LPP: variants seen among roughly 807,000 people sequenced by gnomAD.
LPP encodes lipoma-preferred partner.
LPP carries 38 observed loss-of-function variants against 60.4 expected under a neutral mutation model. That is an observed-to-expected ratio of 0.63 (90% confidence interval 0.49 to 0.83). The LOEUF is 0.83. Ranked by LOEUF, LPP falls within the 40% of genes least tolerant of loss-of-function variation. The pLI is 0.00. For missense variants in LPP, 902 were observed against 783.6 expected, an observed-to-expected ratio of 1.15 and a Z score of -1.80; for synonymous variants, 328 against 290.8, an observed-to-expected ratio of 1.13 and a Z score of -1.30.
At chr3:188,278,234 A>T (rs1283875941) in intron 2 of LPP, among the ~76,000 whole-genome samples, 1 of 152,224 alleles carries the variant, frequency 6.6e-6, no homozygotes, top group Non-Finnish European at 1.5e-5. Flanking sequence ...CCAATGTGGC[A>T]CAACTTGTAA....
chr3:188,666,557 A>G (rs1201303432), intron 7 of LPP, among the ~76,000 whole-genome samples: 1 of 152,222 alleles, frequency 6.6e-6, no homozygotes, highest in African/African-American at 2.4e-5. Context: ...AACACAGTAT[A>G]TCCTTCTTTG....
intron 7 of LPP, among the ~76,000 whole-genome samples, chr3:188,683,281 A>T (rs999818687): frequency 2.7e-5 from 4 of 150,754 alleles, no homozygotes; most frequent in Admixed American, 2.0e-4. Flanking sequence ...TGGGCCATGG[A>T]CCTGGGCGTC....
At chr3:188,672,397 C>T (rs1263807862) in intron 7 of LPP, among the ~76,000 whole-genome samples, 1 of 151,890 alleles carries the variant, frequency 6.6e-6, no homozygotes, top group African/African-American at 2.4e-5. Flanking sequence ...ATCTTGTTGG[C>T]TCATGTTTTG....
intron 8 of LPP, among the ~76,000 whole-genome samples, chr3:188,754,653 G>A (rs891013407): frequency 6.6e-6 from 1 of 151,742 alleles, no homozygotes; most frequent in Non-Finnish European, 1.5e-5. Context: ...GGGAACCAGG[G>A]ATCAATATTT....
intron 2 of LPP, among the ~76,000 whole-genome samples, chr3:188,253,654 A>G (rs1324018072): frequency 6.6e-6 from 1 of 152,148 alleles, no homozygotes; most frequent in African/African-American, 2.4e-5. Context: ...GAACATACAT[A>G]TTTTTGACTT....
chr3:188,881,079 T>G lies in LPP; in HGVS notation c.*6600T>G, dbSNP rs561118773. ...GGCGTGAACCCGGGAAGCGGAGCTT[T>G]CAGTGAGCCGAGATAGCGCCACTGC... is the stretch of plus-strand genomic sequence containing the variant. On this transcript the variant is annotated 3_prime_UTR_variant, in exon 12 of 12. Transcript: ENST00000617246. 9.7e-4 allele frequency: 145 copies of G among 150,026 alleles called. No homozygotes were observed. Among genetic ancestry groups the G allele is most frequent in the Non-Finnish European group, 1.2e-3 (82 of 70,840 alleles). 9.3% of individuals were successfully genotyped at this position (150,026 alleles called of 1,614,324 possible). A position where few individuals can be genotyped will look rare whatever the true frequency, so the allele number is the denominator to read the frequency against.
At chr3:188,237,202 A>T (rs559523525) in intron 2 of LPP, among the ~76,000 whole-genome samples, 1 of 152,334 alleles carries the variant, frequency 6.6e-6, no homozygotes, top group East Asian at 1.9e-4. Flanking sequence ...TAAACAAAGG[A>T]TTACAGCAAC....
intron 2 of LPP, among the ~76,000 whole-genome samples, chr3:188,279,328 A>G (rs900505509): frequency 2.0e-5 from 3 of 152,228 alleles, no homozygotes; most frequent in African/African-American, 7.2e-5. Flanking sequence ...TCTATAAAAC[A>G]AAGGTAACCT....
At chr3:188,240,007 T>C in intron 2 of LPP, 1 of 196,388 alleles carries the variant, frequency 5.1e-6, no homozygotes, top group Non-Finnish European at 1.1e-5. Flanking sequence ...TAAAATGAGT[T>C]GCTCAAGGTC....
At chr3:188,365,998 T>C (rs974722105) in intron 3 of LPP, among the ~76,000 whole-genome samples, 1 of 152,202 alleles carries the variant, frequency 6.6e-6, no homozygotes, top group East Asian at 1.9e-4. Flanking sequence ...TCCAGAATTA[T>C]TCATTTGGTA....
At chr3:188,597,871 G>C (rs1840297733) in intron 6 of LPP, among the ~76,000 whole-genome samples, 2 of 152,072 alleles carry the variant, frequency 1.3e-5, no homozygotes, top group South Asian at 4.1e-4. Flanking sequence ...TAGACCCTAA[G>C]GATGGAAAGC....
At chr3:188,663,328 G>C (rs1338655028) in intron 7 of LPP, among the ~76,000 whole-genome samples, 1 of 152,168 alleles carries the variant, frequency 6.6e-6, no homozygotes, top group Non-Finnish European at 1.5e-5. Flanking sequence ...GGATGGGGGA[G>C]TGTCACATAA....
intron 9 of LPP, among the ~76,000 whole-genome samples, chr3:188,771,465 C>T (rs1471439260): frequency 2.0e-5 from 3 of 147,452 alleles, no homozygotes; most frequent in African/African-American, 7.5e-5. Flanking sequence ...AGGAGAATCA[C>T]TTGAACCCAG....
At chr3:188,835,457 A>C (rs1016190063) in intron 9 of LPP, among the ~76,000 whole-genome samples, 25 of 145,930 alleles carry the variant, frequency 1.7e-4, no homozygotes, top group African/African-American at 6.4e-4. Context: ...TAAAAATACA[A>C]AAAAAAAAAA....
At chr3:188,844,167 A>G (rs1459037971) in intron 9 of LPP, among the ~76,000 whole-genome samples, 1 of 152,106 alleles carries the variant, frequency 6.6e-6, no homozygotes, top group Non-Finnish European at 1.5e-5. Context: ...CTTAATCATT[A>G]TTTTTGGTGG....
intron 2 of LPP, among the ~76,000 whole-genome samples, chr3:188,265,873 GTGTGTGT>G: frequency 7.6e-6 from 1 of 131,684 alleles, no homozygotes; most frequent in African/African-American, 3.6e-5. Flanking sequence ...TTACTCTGGT[GTGTGTGT>G]GTGTGTGTGT....
At chr3:188,567,538 G>A (rs1832488062) in intron 6 of LPP, among the ~76,000 whole-genome samples, 1 of 151,858 alleles carries the variant, frequency 6.6e-6, no homozygotes, top group African/African-American at 2.4e-5. Context: ...TGTGTAAAGT[G>A]TGTCTAAAGT....
chr3:188,625,732 A>G (rs1331304328), intron 7 of LPP, among the ~76,000 whole-genome samples: 2 of 152,182 alleles, frequency 1.3e-5, no homozygotes, highest in East Asian at 1.9e-4. Flanking sequence ...AGGAAACTGA[A>G]TAAGAGACCT....
intron 4 of LPP, among the ~76,000 whole-genome samples, chr3:188,468,577 A>G (rs551189959): frequency 6.6e-6 from 1 of 152,226 alleles, no homozygotes; most frequent in African/African-American, 2.4e-5. Context: ...TAAGCCAAGG[A>G]AGTGCCAGTA....
Sources: allele counts gnomAD v4.1 joint callset (sites outside exome capture counted in the v4.1 genomes callset), GRCh38; gene constraint gnomAD v4.1.1; transcripts MANE v1.5; gene names NCBI Gene and HGNC (gene_info 2026-07-23, HGNC 2026-07-21).